Variants in CNNM2 observed in about 807,000 individuals in gnomAD.
CNNM2 encodes cyclin and CBS domain divalent metal cation transport mediator 2.
CNNM2 carries 12 observed loss-of-function variants against 66.9 expected under a neutral mutation model. The ratio of observed to expected loss-of-function variants is 0.18; its 90% CI spans 0.11 to 0.29. CNNM2 has a LOEUF of 0.29. Among genes scored for constraint, CNNM2 ranks in the 10% least tolerant of loss-of-function variants. The pLI, the probability that CNNM2 is intolerant of heterozygous loss-of-function variation, is 1.00. For synonymous variants in CNNM2, 557 were observed against 501.8 expected (o/e 1.11, Z -1.47); for missense variants, 705 against 1,167.7 (o/e 0.60, Z 5.77).
Position 102,958,473 on chromosome 10 carries a change from T to G in CNNM2, c.1621+38372T>G, listed in dbSNP as rs990810126. 0.021 allele frequency among the ~76,000 whole-genome samples: 2,591 copies of G among 120,566 alleles called. 99 individuals are homozygous for G. Among genetic ancestry groups the G allele is most frequent in the Admixed American group, 0.085 (962 of 11,340 alleles). 79.1% of individuals were successfully genotyped at this position (120,566 alleles called of 152,430 possible). A position where few individuals can be genotyped will look rare whatever the true frequency, so the allele number is the denominator to read the frequency against. ...TCAAGCAACTTGTTTTTTTTTTTTT[T>G]TTTTTTTTTTTTTTTTGAGATGGAG... On this transcript the variant is annotated intron_variant, in intron 1 of 7. Coordinates refer to ENST00000369878, the MANE Select transcript of CNNM2 (RefSeq NM_017649.5).
At chr10:103,029,825 C>T (rs2064787960) in intron 1 of CNNM2, among the ~76,000 whole-genome samples, 1 of 150,982 alleles carries the variant, frequency 6.6e-6, no homozygotes, top group African/African-American at 2.4e-5. Context: ...AAGATCACGC[C>T]ACTGCACTCT....
At chr10:102,974,653 C>G (rs1415719774) in intron 1 of CNNM2, among the ~76,000 whole-genome samples, 2 of 151,926 alleles carry the variant, frequency 1.3e-5, no homozygotes, top group East Asian at 1.9e-4. Context: ...CTCACTTCAG[C>G]CCTGCCAGTA....
intron 1 of CNNM2, among the ~76,000 whole-genome samples, chr10:102,928,474 C>T (rs552417341): frequency 4.6e-5 from 7 of 151,290 alleles, no homozygotes; most frequent in Admixed American, 6.6e-5. Context: ...TCCAGCTACT[C>T]AGGAGGCTGA....
At position 103,031,779 on chromosome 10, in the gene CNNM2, C is replaced by A. The variant is rs969221976; in HGVS notation, c.1622-17928C>A. ...CAGCAGGTGTTCAATTCCACTAGAACCTTTTTAGGAACCTATGGAATGGAA... is the reference window on the plus strand; with the variant it reads ...CAGCAGGTGTTCAATTCCACTAGAAACTTTTTAGGAACCTATGGAATGGAA... On this transcript the variant is annotated intron_variant, in intron 1 of 7. Coordinates refer to ENST00000369878, the MANE Select transcript of CNNM2 (RefSeq NM_017649.5). Among the ~76,000 whole-genome samples the A allele has an allele frequency of 2.6e-5, 4 of 151,998 alleles. No homozygotes were observed. The East Asian group carries it at 5.8e-4, about 22-fold the overall frequency.
Position 103,087,425 on chromosome 10 carries a change from TC to T in CNNM2, c.*10247del, listed in dbSNP as rs2065837974. ...AACTAGCAGTGGAGTTGTTGCTTAT[TC>T]CAGCTGTGTGCTTTTCACTTTCCGA... On this transcript the variant is annotated 3_prime_UTR_variant, in exon 8 of 8. Transcript: ENST00000369878. 1 of 152,082 alleles carries T rather than the reference TC, an allele frequency of 6.6e-6. No homozygotes were observed. The highest frequency in any genetic ancestry group is 6.6e-5 in the Admixed American group (1 of 15,258). 9.4% of individuals were successfully genotyped at this position (152,082 alleles called of 1,614,324 possible).
intron 4 of CNNM2, among the ~76,000 whole-genome samples, chr10:103,067,591 G>C (rs747402651): frequency 2.0e-5 from 3 of 152,120 alleles, no homozygotes; most frequent in Non-Finnish European, 4.4e-5. Flanking sequence ...ATGGGAACAA[G>C]AGCATTTCTG....
intron 4 of CNNM2, among the ~76,000 whole-genome samples, chr10:103,057,625 G>A (rs1235252531): frequency 1.3e-5 from 2 of 152,134 alleles, no homozygotes; most frequent in East Asian, 3.8e-4. Flanking sequence ...TGGGTTATTG[G>A]TCCTTTTTCC....
intron 6 of CNNM2, among the ~76,000 whole-genome samples, chr10:103,075,767 C>T (rs1042690757): frequency 1.3e-5 from 2 of 152,180 alleles, no homozygotes; most frequent in South Asian, 2.1e-4. Flanking sequence ...GGCCCAACCT[C>T]GCCTGAGCAT....
chr10:102,918,504 A>G lies in CNNM2; in HGVS notation c.24A>G (p.Glu8=). ...CTATGATTGGCTGTGGCGCTTGTGA[A>G]CCCAAAGTAAAGATGGCGGGCGGGC... is the stretch of plus-strand genomic sequence containing the variant. MIGCGAC[E]PKVKMAGGQA... The change falls in exon 1 of 8, where the codon GAA becomes GAG. Residue 8 remains glutamate, a synonymous_variant. Coordinates refer to ENST00000369878, the MANE Select transcript of CNNM2 (RefSeq NM_017649.5). The surrounding 1 kb of genome is among the most constrained non-coding windows in gnomAD (Gnocchi z 4.1). 1 of 1,607,012 alleles carries G rather than the reference A, an allele frequency of 6.2e-7. No homozygotes were observed. The highest frequency in any genetic ancestry group is 8.5e-7 in the Non-Finnish European group (1 of 1,178,250).
intron 1 of CNNM2, among the ~76,000 whole-genome samples, chr10:103,029,400 G>T (rs2064778089): frequency 6.6e-6 from 1 of 152,046 alleles, no homozygotes; most frequent in South Asian, 2.1e-4. Context: ...GGTGGCAGAG[G>T]TTGCAGTGAG....
In CNNM2 at chr10:103,087,140, A is replaced by AGTTTTTTTTTTTTTT. The variant is rs2065827293; in HGVS notation, c.*9960_*9961insGTTTTTTTTTTTTTT. ...TTCTCACGGTATAAAACTCCGCAGG[A>AGTTTTTTTTTTTTTT]TTTTTTTTTTTTTTTTTTTTTTTTT... On this transcript the variant is annotated 3_prime_UTR_variant, in exon 8 of 8. Transcript: ENST00000369878. 1 of 75,374 alleles carries AGTTTTTTTTTTTTTT rather than the reference A, an allele frequency of 1.3e-5. No individual in the cohort carries two copies. Among genetic ancestry groups the AGTTTTTTTTTTTTTT allele is most frequent in the Admixed American group, 1.8e-4 (1 of 5,532 alleles). The allele number at this position is 75,374 out of a possible 1,614,324, so 4.7% of individuals were successfully genotyped here.
At chr10:103,064,552 A>G (rs1381383383) in intron 4 of CNNM2, among the ~76,000 whole-genome samples, 2 of 152,126 alleles carry the variant, frequency 1.3e-5, no homozygotes, top group Non-Finnish European at 1.5e-5. Flanking sequence ...TAAAATAAAT[A>G]CCTTTATTTT....
chr10:102,936,363 G>T (rs1201659949), intron 1 of CNNM2, among the ~76,000 whole-genome samples: 1 of 152,054 alleles, frequency 6.6e-6, no homozygotes, highest in Admixed American at 6.6e-5. Context: ...TTGATGTAAG[G>T]TTTGGCAGGA....
chr10:103,034,972 C>CAAAAAAAAAAA lies in CNNM2; in HGVS notation c.1622-14727_1622-14717dup, dbSNP rs71019651. ...TGGGCGACAGAGCGAGACTCCGTCT[C>CAAAAAAAAAAA]AAAAAAAAAAAAAAAAAATCTCCTA... On this transcript the variant is annotated intron_variant, in intron 1 of 7. Transcript: ENST00000369878. 2.9e-3 allele frequency among the ~76,000 whole-genome samples: 208 copies of CAAAAAAAAAAA among 71,044 alleles called. 3 individuals are homozygous for CAAAAAAAAAAA. The East Asian group carries it at 0.066, about 23-fold the overall frequency. The allele number at this position is 71,044 out of a possible 152,430, so 46.6% of individuals were successfully genotyped here.
In CNNM2 at chr10:103,054,580, T is replaced by C. The variant is rs1424014912; in HGVS notation, c.1903+114T>C. ...CACTGGGAAATGGGGTGATAAGTAA[T>C]GCCACTTTTGTGTTTTGTTTTTTTT... On this transcript the variant is annotated intron_variant, in intron 3 of 7. Coordinates refer to ENST00000369878, the MANE Select transcript of CNNM2 (RefSeq NM_017649.5). This position sits in a 1 kb window ranked among gnomAD's most constrained non-coding sequence, Gnocchi z 5.2. 1.5e-5 allele frequency: 16 copies of C among 1,095,212 alleles called. No homozygotes were observed. The East Asian group carries it at 3.6e-4, about 25-fold the overall frequency. 67.8% of individuals were successfully genotyped at this position (1,095,212 alleles called of 1,614,324 possible).
At chr10:103,020,654 T>C (rs544536983) in intron 1 of CNNM2, among the ~76,000 whole-genome samples, 1 of 152,260 alleles carries the variant, frequency 6.6e-6, no homozygotes, top group East Asian at 1.9e-4. Flanking sequence ...ATACTGTTTC[T>C]TAGGTAGTGA....
At chr10:102,945,364 C>G (rs1365470487) in intron 1 of CNNM2, among the ~76,000 whole-genome samples, 2 of 152,058 alleles carry the variant, frequency 1.3e-5, no homozygotes, top group Non-Finnish European at 2.9e-5. Flanking sequence ...TTATCTAGTG[C>G]TATTTCCAGC....
In CNNM2 at chr10:103,085,075, G is replaced by A. The variant is rs1476334409; in HGVS notation, c.*7895G>A. 6.6e-6 allele frequency: 1 copy of A among 152,046 alleles called. No individual in the cohort carries two copies. Among genetic ancestry groups the A allele is most frequent in the East Asian group, 1.9e-4 (1 of 5,176 alleles). The allele number at this position is 152,046 out of a possible 1,614,324, so 9.4% of individuals were successfully genotyped here. A position where few individuals can be genotyped will look rare whatever the true frequency, so the allele number is the denominator to read the frequency against. ...GGGCCCTTTTCTCTGACTTTCTGCT[G>A]GCATGCCATCTCCCCTAGTGGATTA... On this transcript the variant is annotated 3_prime_UTR_variant, in exon 8 of 8. Coordinates refer to ENST00000369878, the MANE Select transcript of CNNM2 (RefSeq NM_017649.5).
At chr10:102,990,859 T>C (rs945102361) in intron 1 of CNNM2, among the ~76,000 whole-genome samples, 1 of 152,212 alleles carries the variant, frequency 6.6e-6, no homozygotes, top group Non-Finnish European at 1.5e-5. Flanking sequence ...TGTGTAAATT[T>C]ACCTTCTGAT....
Sources: gnomAD v4.1 joint callset for allele counts (sites outside exome capture counted in the v4.1 genomes callset) on GRCh38, gnomAD v4.1.1 for gene constraint, Gnocchi (gnomAD v3.1) non-coding constraint, MANE v1.5 for transcripts, NCBI Gene and HGNC (gene_info 2026-07-23, HGNC 2026-07-21) for gene names.